Variants in WNT1 observed in about 807,000 individuals in gnomAD.
WNT1 encodes the protein proto-oncogene Wnt-1.
A neutral mutation model predicts 21.3 loss-of-function variants in WNT1; 10 were observed. The observed-to-expected ratio is 0.47, with a 90% CI of 0.29 to 0.80. WNT1 has a LOEUF of 0.80. WNT1 is among the 30% of genes least tolerant of loss of function. The probability of loss-of-function intolerance (pLI) is 0.09; values close to 1 mark genes in which losing one functional copy is unlikely to be tolerated. For missense variants in WNT1, 476 were observed against 534.1 expected, an observed-to-expected ratio of 0.89 and a Z score of 1.07; for synonymous variants, 208 against 236.3, an observed-to-expected ratio of 0.88 and a Z score of 1.10.
In WNT1 at chr12:48,980,415, C is replaced by T; in HGVS notation, c.359-9C>T. The stretch of plus-strand genomic sequence containing the variant: ...CCCCCTCGCTGATCCCCGCTCCCTT[C>T]TCCCACAGGCTGTCGAGAAACGGCG... On this transcript the variant is annotated splice_polypyrimidine_tract_variant and intron_variant, in intron 2 of 3. Transcript: ENST00000293549. The surrounding 1 kb of genome is among the most constrained non-coding windows in gnomAD (Gnocchi z 7.0). 1 of 1,614,216 alleles carries T rather than the reference C, an allele frequency of 6.2e-7. No homozygotes were observed. Among genetic ancestry groups the T allele is most frequent in the South Asian group, 1.1e-5 (1 of 91,092 alleles).
At position 48,979,704 on chromosome 12, in the gene WNT1, G is replaced by T; in HGVS notation, c.341G>T (p.Gly114Val). The change falls in exon 2 of 4, where the codon GGC (glycine) becomes GTC (valine). Residue 114 changes from glycine to valine, a missense_variant. Coordinates refer to ENST00000293549, the MANE Select transcript of WNT1 (RefSeq NM_005430.4). This position sits in a 1 kb window ranked among gnomAD's most constrained non-coding sequence, Gnocchi z 6.0. ...ACTGCTCCAGGGCCCCACCTCTTCG[G>T]CAAGATCGTCAACCGAGGTGGGTGC... is the stretch of plus-strand genomic sequence containing the variant. The part of the protein sequence containing the change: ...CPTAPGPHLF[G>V]KIVNRGCRET... 6.3e-7 allele frequency: 1 copy of T among 1,593,748 alleles called. No homozygotes were observed. Among genetic ancestry groups the T allele is most frequent in the Non-Finnish European group, 8.6e-7 (1 of 1,165,538 alleles).
In WNT1 at chr12:48,981,282, G is replaced by C. The variant is rs761355556; in HGVS notation, c.755G>C (p.Gly252Ala). ...VGDVLRDRFD[G>A]ASRVLYGNRG... ...GATGTGCTGCGCGACCGCTTCGACG[G>C]CGCCTCGCGCGTCCTGTACGGCAAC... is the stretch of plus-strand genomic sequence containing the variant. Residue 252 changes from glycine (G) to alanine (A), a missense_variant, in exon 4 of 4, where the codon GGC becomes GCC. Coordinates refer to ENST00000293549, the MANE Select transcript of WNT1 (RefSeq NM_005430.4). This position sits in a 1 kb window ranked among gnomAD's most constrained non-coding sequence, Gnocchi z 7.4. 7.5e-6 allele frequency: 12 copies of C among 1,597,806 alleles called. No individual in the cohort carries two copies. Among genetic ancestry groups the C allele is most frequent in the Admixed American group, 6.9e-5 (4 of 57,974 alleles).
chr12:48,980,307 G>A lies in WNT1; in HGVS notation c.359-117G>A, dbSNP rs1032651488. On this transcript the variant is annotated intron_variant, in intron 2 of 3. Coordinates refer to ENST00000293549, the MANE Select transcript of WNT1 (RefSeq NM_005430.4). This position sits in a 1 kb window ranked among gnomAD's most constrained non-coding sequence, Gnocchi z 7.0. ...CCAGCTTTCCAGCACTGCCGGCCCT[G>A]GCTCTCAGGACTCAAAGTGCGGAGT... 4.9e-6 allele frequency: 6 copies of A among 1,219,646 alleles called. No individual in the cohort carries two copies. Among genetic ancestry groups the A allele is most frequent in the African/African-American group, 4.5e-5 (3 of 66,566 alleles). The allele number at this position is 1,219,646 out of a possible 1,614,324, so 75.6% of individuals were successfully genotyped here.
chr12:48,978,575 C>A lies in WNT1; in HGVS notation c.-76C>A. ...ACTCTCGCCACTGCCGCCACCGCCG[C>A]GTCCCGTCCCACCGTCGCGGGCAAC... is the stretch of plus-strand genomic sequence containing the variant. On this transcript the variant is annotated 5_prime_UTR_variant, in exon 1 of 4. Transcript: ENST00000293549. The surrounding 1 kb of genome is among the most constrained non-coding windows in gnomAD (Gnocchi z 7.4). 9.2e-7 allele frequency: 1 copy of A among 1,083,992 alleles called. No homozygotes were observed. The highest frequency in any genetic ancestry group is 1.4e-6 in the Non-Finnish European group (1 of 739,006). 67.1% of individuals were successfully genotyped at this position (1,083,992 alleles called of 1,614,324 possible). A position where few individuals can be genotyped will look rare whatever the true frequency, so the allele number is the denominator to read the frequency against.
Position 48,981,714 on chromosome 12 carries a change from C to G in WNT1, c.*74C>G. The G allele has an allele frequency of 7.1e-7, 1 of 1,402,678 alleles. No individual in the cohort carries two copies. The highest frequency in any genetic ancestry group is 9.2e-7 in the Non-Finnish European group (1 of 1,084,554). 86.9% of individuals were successfully genotyped at this position (1,402,678 alleles called of 1,614,324 possible). ...CAAACAGACTCGCTAGCACTCAAGA[C>G]CCGGTTATTCGCCCACCCGAGTACC... On this transcript the variant is annotated 3_prime_UTR_variant, in exon 4 of 4. Coordinates refer to ENST00000293549, the MANE Select transcript of WNT1 (RefSeq NM_005430.4). The surrounding 1 kb of genome is among the most constrained non-coding windows in gnomAD (Gnocchi z 7.4).
chr12:48,979,391 G>A lies in WNT1; in HGVS notation c.105-77G>A. 2.7e-6 allele frequency: 4 copies of A among 1,502,914 alleles called. No homozygotes were observed. The highest frequency in any genetic ancestry group is 3.6e-6 in the Non-Finnish European group (4 of 1,122,390). 93.1% of individuals were successfully genotyped at this position (1,502,914 alleles called of 1,614,324 possible). On this transcript the variant is annotated intron_variant, in intron 1 of 3. Transcript: ENST00000293549. This position sits in a 1 kb window ranked among gnomAD's most constrained non-coding sequence, Gnocchi z 6.0. ...CTCTCCAGCCACATACCCCCAGGAA[G>A]AGGACCGGGTGGCACAGTTTTTATG...
rs758928266 is a variant in WNT1, at chr12:48,980,586, T to C, written c.521T>C (p.Ile174Thr). Residue 174 changes from isoleucine (I) to threonine (T), a missense_variant, in exon 3 of 4, where the codon ATT becomes ACT. Coordinates refer to ENST00000293549, the MANE Select transcript of WNT1 (RefSeq NM_005430.4). The surrounding 1 kb of genome is among the most constrained non-coding windows in gnomAD (Gnocchi z 7.0). ...DWHWGGCSDN[I>T]DFGRLFGREF... ...CACTGGGGGGGCTGCAGCGACAACA[T>C]TGACTTCGGCCGCCTCTTCGGCCGG... 3.1e-6 allele frequency: 5 copies of C among 1,606,206 alleles called. No homozygotes were observed. The highest frequency in any genetic ancestry group is 2.2e-5 in the East Asian group (1 of 44,494).
In WNT1 at chr12:48,979,039, C is replaced by A. The variant is rs1246796037; in HGVS notation, c.104+285C>A. 6.6e-6 allele frequency among the ~76,000 whole-genome samples: 1 copy of A among 152,258 alleles called. No individual in the cohort carries two copies. Among genetic ancestry groups the A allele is most frequent in the African/African-American group, 2.4e-5 (1 of 41,470 alleles). Reference sequence around the variant, plus strand: ...TTGAGCGCCAACTCCAGCCTCACGGCGGTGGCTCACCACAGGTTTCCCCAC... The same window carrying A: ...TTGAGCGCCAACTCCAGCCTCACGGAGGTGGCTCACCACAGGTTTCCCCAC... On this transcript the variant is annotated intron_variant, in intron 1 of 3. Coordinates refer to ENST00000293549, the MANE Select transcript of WNT1 (RefSeq NM_005430.4). This position sits in a 1 kb window ranked among gnomAD's most constrained non-coding sequence, Gnocchi z 6.0.
Position 48,981,335 on chromosome 12 carries a change from G to A in WNT1, c.808G>A (p.Glu270Lys), listed in dbSNP as rs1236848768. The A allele has an allele frequency of 6.4e-7, 1 of 1,565,906 alleles. No homozygotes were observed. Among genetic ancestry groups the A allele is most frequent in the African/African-American group, 1.4e-5 (1 of 73,030 alleles). The change falls in exon 4 of 4, where the codon GAG becomes AAG. Residue 270 changes from glutamate to lysine, a missense_variant. By Grantham distance (56) the Glu-to-Lys change is moderately conservative (BLOSUM62 1). Coordinates refer to ENST00000293549, the MANE Select transcript of WNT1 (RefSeq NM_005430.4). This position sits in a 1 kb window ranked among gnomAD's most constrained non-coding sequence, Gnocchi z 7.4. Reference protein sequence around the residue: ...NRGSNRASRAELLRLEPEDPA... With the variant: ...NRGSNRASRAKLLRLEPEDPA... ...CGGCAGCAACCGCGCTTCGCGGGCG[G>A]AGCTGCTGCGCCTGGAGCCGGAAGA...
At position 48,978,610 on chromosome 12, in the gene WNT1, C is replaced by T. The variant is rs1940966229; in HGVS notation, c.-41C>T. On this transcript the variant is annotated 5_prime_UTR_variant, in exon 1 of 4. Transcript: ENST00000293549. This position sits in a 1 kb window ranked among gnomAD's most constrained non-coding sequence, Gnocchi z 7.4. ...CACCGTCGCGGGCAACAACCAAAGT[C>T]GCCGCAACTGCAGCACAGAGCGGGC... is the stretch of plus-strand genomic sequence containing the variant. 1.4e-6 allele frequency: 2 copies of T among 1,459,090 alleles called. No homozygotes were observed. The highest frequency in any genetic ancestry group is 1.2e-5 in the South Asian group (1 of 83,234). 90.4% of individuals were successfully genotyped at this position (1,459,090 alleles called of 1,614,324 possible).
Position 48,979,662 on chromosome 12 carries a change from G to A in WNT1, c.299G>A (p.Arg100His), listed in dbSNP as rs769418812. The A allele has an allele frequency of 1.9e-6, 3 of 1,612,912 alleles. No homozygotes were observed. The highest frequency in any genetic ancestry group is 2.2e-5 in the South Asian group (2 of 91,058). The change falls in exon 2 of 4, where the codon CGC (arginine) becomes CAC (histidine). Residue 100 changes from arginine to histidine, a missense_variant. Physicochemically the swap from Arg to His is conservative, Grantham distance 29. Transcript: ENST00000293549. This position sits in a 1 kb window ranked among gnomAD's most constrained non-coding sequence, Gnocchi z 6.0. ...GAGTGCAAGTGGCAGTTCCGGAATC[G>A]CCGCTGGAACTGTCCCACTGCTCCA... ...VRECKWQFRN[R>H]RWNCPTAPGP...
rs369711501 is a variant in WNT1, at chr12:48,979,630, C to T, written c.267C>T (p.Ala89=). 4 of 1,613,818 alleles carry T rather than the reference C, an allele frequency of 2.5e-6. No individual in the cohort carries two copies. The highest frequency in any genetic ancestry group is 3.4e-6 in the Non-Finnish European group (4 of 1,179,942). The stretch of plus-strand genomic sequence containing the variant: ...GCGTGAGTGGGGGGCTGCAGAGTGC[C>T]GTGCGCGAGTGCAAGTGGCAGTTCC... ...LHSVSGGLQS[A]VRECKWQFRN... is the part of the protein sequence containing the mutation. The change falls in exon 2 of 4, where the codon GCC becomes GCT. Residue 89 remains alanine, a synonymous_variant. Transcript: ENST00000293549. This position sits in a 1 kb window ranked among gnomAD's most constrained non-coding sequence, Gnocchi z 6.0.
In WNT1 at chr12:48,978,365, G is replaced by C. The variant is rs1259888000; in HGVS notation, c.-286G>C. The C allele has an allele frequency of 6.4e-6, 3 of 469,006 alleles. No individual in the cohort carries two copies. The East Asian group carries it at 1.3e-4, about 21-fold the overall frequency. 29.1% of individuals were successfully genotyped at this position (469,006 alleles called of 1,614,324 possible). ...GCCCCGCTCGCTGCCCATTGTCTGC[G>C]CCCCTAACCGGTGCGCCCTGGTGCC... On this transcript the variant is annotated 5_prime_UTR_variant, in exon 1 of 4. Transcript: ENST00000293549. This position sits in a 1 kb window ranked among gnomAD's most constrained non-coding sequence, Gnocchi z 7.4.
In WNT1 at chr12:48,979,341, C is replaced by A; in HGVS notation, c.105-127C>A. 1.6e-6 allele frequency: 2 copies of A among 1,236,956 alleles called. No individual in the cohort carries two copies. Among genetic ancestry groups the A allele is most frequent in the South Asian group, 3.0e-5 (2 of 66,636 alleles). 76.6% of individuals were successfully genotyped at this position (1,236,956 alleles called of 1,614,324 possible). On this transcript the variant is annotated intron_variant, in intron 1 of 3. Transcript: ENST00000293549. The surrounding 1 kb of genome is among the most constrained non-coding windows in gnomAD (Gnocchi z 6.0). ...TTTCAAATTAGTGAGCCTGGGAGAG[C>A]GGGTATTATTAATCTCCCGCCATTC...
At position 48,978,704 on chromosome 12, in the gene WNT1, G is replaced by T. The variant is rs766113164; in HGVS notation, c.54G>T (p.Ala18=). 6.2e-6 allele frequency: 10 copies of T among 1,603,872 alleles called. No homozygotes were observed. The highest frequency in any genetic ancestry group is 8.5e-6 in the Non-Finnish European group (10 of 1,178,630). Residue 18 remains alanine, a synonymous_variant, in exon 1 of 4, where the codon GCG becomes GCT. Transcript: ENST00000293549. This position sits in a 1 kb window ranked among gnomAD's most constrained non-coding sequence, Gnocchi z 7.4. ...PGWVSATLLL[A]LAALPAALAA... ...GGGTTTCTGCTACGCTGCTGCTGGCGCTGGCCGCTCTGCCCGCAGCCCTGG... is the reference window on the plus strand; with the variant it reads ...GGGTTTCTGCTACGCTGCTGCTGGCTCTGGCCGCTCTGCCCGCAGCCCTGG...
chr12:48,982,025 C>T lies in WNT1; in HGVS notation c.*385C>T, dbSNP rs1315153268. Among the ~76,000 whole-genome samples the T allele has an allele frequency of 6.6e-6, 1 of 152,212 alleles. No individual in the cohort carries two copies. The highest frequency in any genetic ancestry group is 1.9e-4 in the East Asian group (1 of 5,184). ...AGCGACCTCTCTGCCTCTCTTCTTC[C>T]CCTTTGTCCTGCGTTTTCTCCGGGT... On this transcript the variant is annotated 3_prime_UTR_variant, in exon 4 of 4. Coordinates refer to ENST00000293549, the MANE Select transcript of WNT1 (RefSeq NM_005430.4).
chr12:48,978,488 G>A lies in WNT1; in HGVS notation c.-163G>A. On this transcript the variant is annotated 5_prime_UTR_variant, in exon 1 of 4. Coordinates refer to ENST00000293549, the MANE Select transcript of WNT1 (RefSeq NM_005430.4). This position sits in a 1 kb window ranked among gnomAD's most constrained non-coding sequence, Gnocchi z 7.4. Reference sequence around the variant, plus strand: ...CCGCCGTGGCCGCCTCAGCCCACCAGCCGGGACCGCGAGCCATGCTGTCCG... The same window carrying A: ...CCGCCGTGGCCGCCTCAGCCCACCAACCGGGACCGCGAGCCATGCTGTCCG... 1.6e-6 allele frequency: 1 copy of A among 613,838 alleles called. No homozygotes were observed. The highest frequency in any genetic ancestry group is 2.9e-6 in the Non-Finnish European group (1 of 344,668). The allele number at this position is 613,838 out of a possible 1,614,324, so 38.0% of individuals were successfully genotyped here.
Position 48,979,497 on chromosome 12 carries a change from A to G in WNT1, c.134A>G (p.Asn45Ser). The change falls in exon 2 of 4, where the codon AAC becomes AGC. Residue 45 changes from asparagine to serine, a missense_variant. Coordinates refer to ENST00000293549, the MANE Select transcript of WNT1 (RefSeq NM_005430.4). The surrounding 1 kb of genome is among the most constrained non-coding windows in gnomAD (Gnocchi z 6.0). ...WGIVNVASSTNLLTDSKSLQL... is the reference protein window; with the variant it reads ...WGIVNVASSTSLLTDSKSLQL... ...ATTGTGAACGTAGCCTCCTCCACGAACCTGCTTACAGACTCCAAGAGTCTG... is the reference window on the plus strand; with the variant it reads ...ATTGTGAACGTAGCCTCCTCCACGAGCCTGCTTACAGACTCCAAGAGTCTG... 1 of 1,612,378 alleles carries G rather than the reference A, an allele frequency of 6.2e-7. No homozygotes were observed. The highest frequency in any genetic ancestry group is 1.1e-5 in the South Asian group (1 of 91,070).
Position 48,982,141 on chromosome 12 carries a change from T to G in WNT1, c.*501T>G, listed in dbSNP as rs1217113080. Among the ~76,000 whole-genome samples the G allele has an allele frequency of 1.3e-5, 2 of 152,136 alleles. No individual in the cohort carries two copies. Among genetic ancestry groups the G allele is most frequent in the East Asian group, 3.9e-4 (2 of 5,192 alleles). ...GGCCTTTCTCCTCCCCACCTGTAGCTGAAGCAGGAGGTTACAGGGCAAAAG... is the reference window on the plus strand; with the variant it reads ...GGCCTTTCTCCTCCCCACCTGTAGCGGAAGCAGGAGGTTACAGGGCAAAAG... On this transcript the variant is annotated 3_prime_UTR_variant, in exon 4 of 4. Coordinates refer to ENST00000293549, the MANE Select transcript of WNT1 (RefSeq NM_005430.4).
Sources: allele counts gnomAD v4.1 joint callset (sites outside exome capture counted in the v4.1 genomes callset), GRCh38; gene constraint gnomAD v4.1.1; non-coding constraint Gnocchi (gnomAD v3.1); transcripts MANE v1.5; gene names NCBI Gene and HGNC (gene_info 2026-07-23, HGNC 2026-07-21).